The following IL1R1 variants were observed in gnomAD, a reference collection of about 807,000 sequenced individuals.
IL1R1 encodes the protein interleukin-1 receptor type 1.
In IL1R1, 22 loss-of-function variants were observed where a neutral mutation model predicts 50.2. The observed-to-expected ratio is 0.44, with a 90% confidence interval of 0.31 to 0.63. The LOEUF (loss-of-function observed/expected upper bound fraction) is 0.63, where lower values mean the gene tolerates loss of function less well. Among genes scored for constraint, IL1R1 ranks in the 20% least tolerant of loss-of-function variants. The pLI, the probability that IL1R1 is intolerant of heterozygous loss-of-function variation, is 0.07. For missense variants in IL1R1, 509 were observed against 676.2 expected, an observed-to-expected ratio of 0.75 and a Z score of 2.74; for synonymous variants, 251 against 236.7, an observed-to-expected ratio of 1.06 and a Z score of -0.55.
At chr2:102,097,629 G>T (rs1480942646) in intron 1 of IL1R1, among the ~76,000 whole-genome samples, 1 of 151,728 alleles carries the variant, frequency 6.6e-6, no homozygotes, top group African/African-American at 2.4e-5. Context: ...CAAAACATTT[G>T]AAATTTTAGA....
intron 1 of IL1R1, among the ~76,000 whole-genome samples, chr2:102,113,162 T>A (rs1680871508): frequency 1.3e-5 from 2 of 152,232 alleles, no homozygotes; most frequent in African/African-American, 4.8e-5. Context: ...CCTGTGACAA[T>A]GGTATAACTA....
At chr2:102,116,997 A>T (rs937256976) in intron 1 of IL1R1, among the ~76,000 whole-genome samples, 3 of 152,218 alleles carry the variant, frequency 2.0e-5, no homozygotes, top group Non-Finnish European at 4.4e-5. Flanking sequence ...AATGACTTTT[A>T]TAATAAAAGG....
At position 102,176,380 on chromosome 2, in the gene IL1R1, T is replaced by C; in HGVS notation, c.1331T>C (p.Val444Ala). The C allele has an allele frequency of 6.2e-7, 1 of 1,613,952 alleles. No individual in the cohort carries two copies. The highest frequency in any genetic ancestry group is 8.5e-7 in the Non-Finnish European group (1 of 1,179,972). Residue 444 changes from valine to alanine, a missense_variant, in exon 12 of 12, where the codon GTA (valine) becomes GCA (alanine). Transcript: ENST00000410023. ...ATTGTTGAGGTCATTAATGAAAACG[T>C]AAAGAAAAGCAGAAGACTGATTATC... ...EDIVEVINENVKKSRRLIIIL... is the reference protein window; with the variant it reads ...EDIVEVINENAKKSRRLIIIL...
intron 1 of IL1R1, among the ~76,000 whole-genome samples, chr2:102,080,613 G>A (rs1446156033): frequency 6.6e-6 from 1 of 152,168 alleles, no homozygotes; most frequent in Non-Finnish European, 1.5e-5. Context: ...ATTTATTACT[G>A]GAAGGAATGT....
upstream of IL1R1, among the ~76,000 whole-genome samples, chr2:102,104,100 AG>A (rs1184000900): frequency 1.3e-5 from 2 of 151,308 alleles, no homozygotes; most frequent in Non-Finnish European, 2.9e-5. Flanking sequence ...CCCTGAGCTG[AG>A]GGGTGATCAG....
At chr2:102,176,152 G>A (rs149017646) in intron 11 of IL1R1, 5,817 of 543,200 alleles carry the variant, frequency 0.011, 49 homozygotes, top group Non-Finnish European at 0.014. Context: ...ACGCCACTGC[G>A]CTCCAGTGTG....
intron 1 of IL1R1, among the ~76,000 whole-genome samples, chr2:102,087,264 G>T (rs904158402): frequency 1.3e-5 from 2 of 152,168 alleles, no homozygotes; most frequent in African/African-American, 4.8e-5. Flanking sequence ...GACCAGAGTG[G>T]TGGCTGCTGA....
At chr2:102,138,905 A>T (rs922489618), upstream of IL1R1, among the ~76,000 whole-genome samples, 1 of 152,218 alleles carries the variant, frequency 6.6e-6, no homozygotes, top group Admixed American at 6.5e-5. Context: ...AGCCAACTAG[A>T]CTTAGGAATT....
At chr2:102,111,391 C>T (rs1225334723) in intron 1 of IL1R1, among the ~76,000 whole-genome samples, 1 of 152,198 alleles carries the variant, frequency 6.6e-6, no homozygotes, top group Admixed American at 6.5e-5. Context: ...ACCTTGTCCT[C>T]CGTGTGAGAC....
At chr2:102,122,076 C>T (rs1681437140) in intron 1 of IL1R1, among the ~76,000 whole-genome samples, 1 of 152,134 alleles carries the variant, frequency 6.6e-6, no homozygotes, top group African/African-American at 2.4e-5. Flanking sequence ...TGAATCAATA[C>T]ACATGGGGCT....
chr2:102,121,036 G>A (rs977001618), intron 1 of IL1R1, among the ~76,000 whole-genome samples: 2 of 152,166 alleles, frequency 1.3e-5, no homozygotes, highest in African/African-American at 2.4e-5. Flanking sequence ...AGGCCCTAGT[G>A]TTAATCTGCA....
intron 1 of IL1R1, among the ~76,000 whole-genome samples, chr2:102,076,955 CTA>C (rs1678994461): frequency 6.6e-6 from 1 of 152,114 alleles, no homozygotes; most frequent in Non-Finnish European, 1.5e-5. Context: ...TTACATTGTT[CTA>C]CAATTCATTA....
At chr2:102,167,041 A>G (rs1032261867) in intron 6 of IL1R1, among the ~76,000 whole-genome samples, 2 of 152,186 alleles carry the variant, frequency 1.3e-5, no homozygotes, top group African/African-American at 2.4e-5. Context: ...GAGATTTTGT[A>G]AGATTTATGT....
rs1233986096 is a variant in IL1R1 at position 102,178,473 on chromosome 2, AT to A, written c.*1720del. 6.6e-6 allele frequency: 1 copy of A among 152,250 alleles called. No individual in the cohort carries two copies. Among genetic ancestry groups the A allele is most frequent in the Non-Finnish European group, 1.5e-5 (1 of 68,018 alleles). The allele number at this position is 152,250 out of a possible 1,614,324, so 9.4% of individuals were successfully genotyped here. A position where few individuals can be genotyped will look rare whatever the true frequency, so the allele number is the denominator to read the frequency against. ...ATTTTATATATAGAGAAAGTGACCT[AT>A]TTTTTAAAAAAATCACACTCTAAGT... On this transcript the variant is annotated 3_prime_UTR_variant, in exon 12 of 12. Transcript: ENST00000410023.
rs778692822 is a variant in IL1R1, at chr2:102,172,672, C to T, written c.840-15C>T. ...ATTAACTTACACAAGTTTATTTACT[C>T]TCTCTCTCGAATAGTGTGGAAAATC... On this transcript the variant is annotated splice_polypyrimidine_tract_variant and intron_variant, in intron 8 of 11. Coordinates refer to ENST00000410023, the MANE Select transcript of IL1R1 (RefSeq NM_000877.4). 2 of 1,585,510 alleles carry T rather than the reference C, an allele frequency of 1.3e-6. No homozygotes were observed. Among genetic ancestry groups the T allele is most frequent in the South Asian group, 2.3e-5 (2 of 87,502 alleles).
chr2:102,097,624 C>T (rs1436613301), intron 1 of IL1R1, among the ~76,000 whole-genome samples: 1 of 151,720 alleles, frequency 6.6e-6, no homozygotes, highest in Non-Finnish European at 1.5e-5. Context: ...TAAGCCAAAA[C>T]ATTTGAAATT....
intron 1 of IL1R1, among the ~76,000 whole-genome samples, chr2:102,086,444 A>G: frequency 6.6e-6 from 1 of 152,026 alleles, no homozygotes; most frequent in Admixed American, 6.6e-5. Flanking sequence ...GTTGGGTTGT[A>G]TTGAGCTTGT....
intron 1 of IL1R1, among the ~76,000 whole-genome samples, chr2:102,094,605 A>C (rs1178172490): frequency 6.6e-6 from 1 of 152,178 alleles, no homozygotes; most frequent in Non-Finnish European, 1.5e-5. Context: ...TGTATTTATC[A>C]TTTTATAAAC....
At chr2:102,172,478 C>A in intron 8 of IL1R1, 1 of 1,178,634 alleles carries the variant, frequency 8.5e-7, no homozygotes, top group Non-Finnish European at 1.1e-6. Context: ...GCTTTCTCTG[C>A]TACTGAGCCT....
Sources: gnomAD v4.1 joint callset for allele counts (sites outside exome capture counted in the v4.1 genomes callset) on GRCh38, gnomAD v4.1.1 for gene constraint, MANE v1.5 for transcripts, NCBI Gene and HGNC (gene_info 2026-07-23, HGNC 2026-07-21) for gene names.